Variants in HPS4 observed in about 807,000 individuals in gnomAD.
HPS4 encodes the protein HPS4 biogenesis of lysosomal organelles complex 3 subunit 2, also known as BLOC-3 complex member HPS4.
A neutral mutation model predicts 70.3 loss-of-function variants in HPS4; 44 were observed. That is an observed-to-expected ratio of 0.63 (90% CI 0.49 to 0.80). The LOEUF is 0.80. Ranked by LOEUF, HPS4 falls within the 30% of genes least tolerant of loss-of-function variation. The pLI is 0.00. For synonymous variants in HPS4, 377 were observed against 355.9 expected, an observed-to-expected ratio of 1.06 and a Z score of -0.67; for missense variants, 873 against 884.4, an observed-to-expected ratio of 0.99 and a Z score of 0.16.
At chr22:26,461,590 T>C (rs932802085) in intron 11 of HPS4, among the ~76,000 whole-genome samples, 3 of 152,254 alleles carry the variant, frequency 2.0e-5, no homozygotes, top group South Asian at 4.2e-4. Context: ...CTTGGCAGTA[T>C]GTAACATCAT....
chr22:26,463,640 C>A (rs371229380), intron 11 of HPS4, among the ~76,000 whole-genome samples: 1 of 152,222 alleles, frequency 6.6e-6, no homozygotes, highest in African/African-American at 2.4e-5. Context: ...CCAAGGCCTG[C>A]GCTCTGCAAA....
At chr22:26,479,771 G>T in intron 2 of HPS4, 1 of 768,590 alleles carries the variant, frequency 1.3e-6, no homozygotes, top group Non-Finnish European at 1.6e-6. Flanking sequence ...AAGATTTCCA[G>T]AAACAGCCCT....
chr22:26,463,872 C>G (rs755055492), intron 11 of HPS4, 45 bp downstream of exon 11: 3 of 1,592,372 alleles, frequency 1.9e-6, no homozygotes, highest in Non-Finnish European at 2.6e-6. Flanking sequence ...CACAGGAGAT[C>G]GGCAGAGGCC....
At chr22:26,483,634 G>A in intron 1 of HPS4, 40 bp downstream of exon 1, 1 of 333,418 alleles carries the variant, frequency 3.0e-6, no homozygotes, top group Non-Finnish European at 5.4e-6. Context: ...CTGGGGGCCC[G>A]CCCCTCGGTA....
exon 4 of HPS4, chr22:26,444,524 T>C (rs2084893404): frequency 6.6e-6 from 1 of 152,232 alleles, no homozygotes; most frequent in Non-Finnish European, 1.5e-5. Flanking sequence ...TGTTAGCTGA[T>C]GTGTGAAAGC....
Position 26,451,993 on chromosome 22 carries a change from C to CGT in HPS4, c.*1239_*1240insAC, listed in dbSNP as rs1568997476. ...GAGGGATGCGCCCACGTTACGCGCG[C>CGT]GCGCGCGCGCGCACACACACACACA... On this transcript the variant is annotated 3_prime_UTR_variant, in exon 14 of 14. Transcript: ENST00000398145. 279 of 20,480 alleles carry CGT rather than the reference C, an allele frequency of 0.014. No individual in the cohort carries two copies. Among genetic ancestry groups the CGT allele is most frequent in the African/African-American group, 0.037 (261 of 7,144 alleles). 1.3% of individuals were successfully genotyped at this position (20,480 alleles called of 1,614,324 possible). A position where few individuals can be genotyped will look rare whatever the true frequency, so the allele number is the denominator to read the frequency against.
downstream of HPS4, among the ~76,000 whole-genome samples, chr22:26,449,455 C>T (rs144328677): frequency 3.4e-3 from 518 of 151,930 alleles, 14 homozygotes; most frequent in East Asian, 0.064. Flanking sequence ...TTCGGCCTCC[C>T]GAGTAGCTGG....
intron 11 of HPS4, among the ~76,000 whole-genome samples, chr22:26,460,922 T>C (rs1280797178): frequency 6.6e-6 from 1 of 152,266 alleles, no homozygotes; most frequent in African/African-American, 2.4e-5. Flanking sequence ...ATTTATATAC[T>C]GTCTATGGCT....
chr22:26,458,979 TAAC>T (rs2086732482), intron 11 of HPS4, among the ~76,000 whole-genome samples: 1 of 152,076 alleles, frequency 6.6e-6, no homozygotes, highest in African/African-American at 2.4e-5. Flanking sequence ...AGCAAAAAAA[TAAC>T]AAGAAAACAA....
chr22:26,450,653 G>A (rs1261805305), downstream of HPS4, among the ~76,000 whole-genome samples: 1 of 152,212 alleles, frequency 6.6e-6, no homozygotes, highest in Non-Finnish European at 1.5e-5. Context: ...TGTCGTGGGA[G>A]GGACCTGGTG....
At chr22:26,446,791 G>GT (rs1025384571), downstream of HPS4, among the ~76,000 whole-genome samples, 1 of 152,182 alleles carries the variant, frequency 6.6e-6, no homozygotes, top group Admixed American at 6.5e-5. Flanking sequence ...CTGGAGTGCA[G>GT]TGGCGCAATC....
At chr22:26,481,555 T>C (rs1226726295) in intron 2 of HPS4, among the ~76,000 whole-genome samples, 167 bp downstream of exon 2, 2 of 152,232 alleles carry the variant, frequency 1.3e-5, no homozygotes, top group Non-Finnish European at 2.9e-5. Flanking sequence ...CATGTTAGCT[T>C]TGGAGAGCGA....
At chr22:26,464,959 C>A in intron 10 of HPS4, 133 bp from the exon 11 acceptor site, 1 of 762,906 alleles carries the variant, frequency 1.3e-6, no homozygotes, top group East Asian at 2.6e-5. Flanking sequence ...AAGAGGCCAC[C>A]AGAGTTAAAT....
At chr22:26,463,366 C>T (rs974585162) in intron 11 of HPS4, among the ~76,000 whole-genome samples, 1 of 152,188 alleles carries the variant, frequency 6.6e-6, no homozygotes, top group Non-Finnish European at 1.5e-5. Context: ...CAGGCTGTGA[C>T]ACACTGCGGA....
rs1601763272 is a variant in HPS4 at position 26,452,956 on chromosome 22, A to G, written c.*277T>C. 1 of 447,708 alleles carries G rather than the reference A, an allele frequency of 2.2e-6. No individual in the cohort carries two copies. The highest frequency in any genetic ancestry group is 4.4e-5 in the East Asian group (1 of 22,730). The allele number at this position is 447,708 out of a possible 1,614,324, so 27.7% of individuals were successfully genotyped here. The stretch of plus-strand genomic sequence containing the variant: ...AGGAGATATGAAATACCTCAGGCTC[A>G]GTATGGCAGAGAGGGAGCCAAGCCC... On this transcript the variant is annotated 3_prime_UTR_variant, in exon 14 of 14. Coordinates refer to ENST00000398145, the MANE Select transcript of HPS4 (RefSeq NM_022081.6).
intron 3 of HPS4, among the ~76,000 whole-genome samples, chr22:26,445,619 G>A (rs760159891): frequency 8.5e-5 from 13 of 152,206 alleles, no homozygotes; most frequent in Non-Finnish European, 4.4e-5. Flanking sequence ...CCTTGGGCAA[G>A]TCCCTTAGCC....
At chr22:26,456,249 A>T (rs1299730079) in intron 13 of HPS4, among the ~76,000 whole-genome samples, 1 of 152,234 alleles carries the variant, frequency 6.6e-6, no homozygotes, top group African/African-American at 2.4e-5. Context: ...ACATGTGCTT[A>T]ACAGTTGGAG....
chr22:26,477,052 T>C lies in HPS4; in HGVS notation c.217A>G (p.Thr73Ala), dbSNP rs1012231447. ...CVSDISDSPP[T>A]LVRLRKLKFA... ...TTCAGTTTTCTCAGACGAACAAGAG[T>C]AGGAGGAGAGTCAGAAATGTCAGAA... Residue 73 changes from threonine (T) to alanine (A), a missense_variant, in exon 4 of 14, where the codon ACT becomes GCT. Coordinates refer to ENST00000398145, the MANE Select transcript of HPS4 (RefSeq NM_022081.6). The C allele has an allele frequency of 3.7e-6, 6 of 1,613,772 alleles. No individual in the cohort carries two copies. In the African/African-American group the frequency reaches 4.0e-5, roughly 11 times the overall value.
At chr22:26,450,813 C>T (rs1304027163), downstream of HPS4, among the ~76,000 whole-genome samples, 1 of 152,210 alleles carries the variant, frequency 6.6e-6, no homozygotes, top group African/African-American at 2.4e-5. Flanking sequence ...GTTTGGTTCC[C>T]CTTCTGCCAT....
Sources: allele counts gnomAD v4.1 joint callset (sites outside exome capture counted in the v4.1 genomes callset), GRCh38; gene constraint gnomAD v4.1.1; transcripts MANE v1.5; gene names NCBI Gene and HGNC (gene_info 2026-07-23, HGNC 2026-07-21).